Variants in TMC2 observed in about 807,000 individuals in gnomAD.
The protein encoded by TMC2 is transmembrane channel-like protein 2.
A neutral mutation model predicts 105.9 loss-of-function variants in TMC2; 102 were observed. The observed-to-expected ratio is 0.96, with a 90% CI of 0.82 to 1.14. TMC2 has a LOEUF of 1.14. TMC2 is among the 50% of genes most tolerant of loss of function. The pLI, the probability that TMC2 is intolerant of heterozygous loss-of-function variation, is 0.00. For missense variants in TMC2, 1,093 were observed against 1,134.3 expected, an observed-to-expected ratio of 0.96 and a Z score of 0.52; for synonymous variants, 402 against 422.8, an observed-to-expected ratio of 0.95 and a Z score of 0.60.
chr20:2,567,032 G>C (rs558298910), intron 4 of TMC2, among the ~76,000 whole-genome samples: 2 of 152,342 alleles, frequency 1.3e-5, no homozygotes, highest in Admixed American at 1.3e-4. Flanking sequence ...ACCCACCTTT[G>C]CCAGGCCAAA....
At chr20:2,557,205 A>G (rs1175717940) in intron 2 of TMC2, among the ~76,000 whole-genome samples, 1 of 152,164 alleles carries the variant, frequency 6.6e-6, no homozygotes, top group Non-Finnish European at 1.5e-5. Context: ...TGGCATTCCC[A>G]TTACACATAT....
At chr20:2,626,793 G>A (rs1311088283) in intron 17 of TMC2, among the ~76,000 whole-genome samples, 1 of 152,160 alleles carries the variant, frequency 6.6e-6, no homozygotes, top group African/African-American at 2.4e-5. Context: ...ATTCCCTCCT[G>A]TGACAGTTAC....
intron 7 of TMC2, among the ~76,000 whole-genome samples, chr20:2,591,378 T>A (rs971150736): frequency 1.3e-5 from 2 of 152,270 alleles, no homozygotes; most frequent in East Asian, 1.9e-4. Flanking sequence ...ACAGTCATTA[T>A]CTTTGGGTTT....
chr20:2,611,632 G>A (rs954393581), intron 12 of TMC2, among the ~76,000 whole-genome samples: 3 of 152,140 alleles, frequency 2.0e-5, no homozygotes, highest in African/African-American at 2.4e-5. Flanking sequence ...GCTCGTATCA[G>A]TCTGTTCTGT....
chr20:2,638,111 G>A (rs1008407187), intron 19 of TMC2, among the ~76,000 whole-genome samples: 2 of 152,206 alleles, frequency 1.3e-5, no homozygotes, highest in Non-Finnish European at 2.9e-5. Flanking sequence ...GGAGGCCGAC[G>A]CGGGCGGATC....
chr20:2,585,121 G>A (rs2086223286), intron 7 of TMC2, among the ~76,000 whole-genome samples: 1 of 152,120 alleles, frequency 6.6e-6, no homozygotes, highest in African/African-American at 2.4e-5. Context: ...CAATGTCTTT[G>A]AAATTCTTTC....
In TMC2 at chr20:2,641,450, A is replaced by G. The variant is rs1600147553; in HGVS notation, c.*99A>G. On this transcript the variant is annotated 3_prime_UTR_variant, in exon 20 of 20. Transcript: ENST00000358864. ...GGTTCTCTCCCCTCTTTCCTCTCAC[A>G]TACATGCTCTGTCTCCTCTCTTGGA... is the stretch of plus-strand genomic sequence containing the variant. The G allele has an allele frequency of 1.4e-6, 1 of 702,182 alleles. No homozygotes were observed. The highest frequency in any genetic ancestry group is 2.7e-5 in the East Asian group (1 of 36,866). 43.5% of individuals were successfully genotyped at this position (702,182 alleles called of 1,614,324 possible). A position where few individuals can be genotyped will look rare whatever the true frequency, so the allele number is the denominator to read the frequency against.
intron 3 of TMC2, among the ~76,000 whole-genome samples, chr20:2,561,626 G>A (rs1399826910): frequency 6.6e-6 from 1 of 152,210 alleles, no homozygotes; most frequent in Admixed American, 6.5e-5. Flanking sequence ...CACTGAGCTG[G>A]CATGTGGTTT....
intron 2 of TMC2, among the ~76,000 whole-genome samples, chr20:2,553,006 C>A (rs1052541783): frequency 1.3e-5 from 2 of 152,094 alleles, no homozygotes; most frequent in African/African-American, 2.4e-5. Flanking sequence ...TTTGTCAATT[C>A]TTTGAGATTT....
Position 2,602,274 on chromosome 20 carries a change from G to C in TMC2, c.1386G>C (p.Gln462His), listed in dbSNP as rs757007160. Reference sequence around the variant, plus strand: ...GATCTCAGCAATTCTCCAAAATGCAGAATGTCAGCTGGTATGAAAGGAATG... The same window carrying C: ...GATCTCAGCAATTCTCCAAAATGCACAATGTCAGCTGGTATGAAAGGAATG... Reference protein sequence around the residue: ...VKRSQQFSKMQNVSWYERNEV... With the variant: ...VKRSQQFSKMHNVSWYERNEV... The change falls in exon 11 of 20, where the codon CAG becomes CAC. Residue 462 changes from glutamine (Q) to histidine (H), a missense_variant. Coordinates refer to ENST00000358864, the MANE Select transcript of TMC2 (RefSeq NM_080751.3). 6.2e-7 allele frequency: 1 copy of C among 1,605,908 alleles called. No homozygotes were observed. The highest frequency in any genetic ancestry group is 1.1e-5 in the South Asian group (1 of 89,274).
At position 2,536,719 on chromosome 20, in the gene TMC2, G is replaced by A. The variant is rs2085851709; in HGVS notation, c.34+64G>A. 49 of 1,531,356 alleles carry A rather than the reference G, an allele frequency of 3.2e-5. No homozygotes were observed. In the South Asian group the frequency reaches 5.7e-4, roughly 18 times the overall value. The allele number at this position is 1,531,356 out of a possible 1,614,324, so 94.9% of individuals were successfully genotyped here. On this transcript the variant is annotated intron_variant, in intron 1 of 19. Coordinates refer to ENST00000358864, the MANE Select transcript of TMC2 (RefSeq NM_080751.3). ...GGTTCCTGGGCAGCAGCAGGGGATG[G>A]GGGAAGCACATATGGTGTTCAGAGG...
intron 7 of TMC2, among the ~76,000 whole-genome samples, chr20:2,586,335 A>C (rs1487400149): frequency 6.6e-6 from 1 of 152,242 alleles, no homozygotes; most frequent in African/African-American, 2.4e-5. Context: ...GTGTTCAAAC[A>C]GGAGAAAAAT....
Position 2,562,027 on chromosome 20 carries a change from T to C in TMC2, c.554+17T>C. The C allele has an allele frequency of 6.2e-7, 1 of 1,610,648 alleles. No homozygotes were observed. Among genetic ancestry groups the C allele is most frequent in the Non-Finnish European group, 8.5e-7 (1 of 1,178,366 alleles). ...AGAGCTCAGGTGAGCAGGCTGCGGG[T>C]CAGCCAGGGCCTTCCGATGTCCACA... is the stretch of plus-strand genomic sequence containing the variant. On this transcript the variant is annotated intron_variant, in intron 4 of 19. Transcript: ENST00000358864.
chr20:2,571,408 A>G (rs960420779), intron 4 of TMC2, among the ~76,000 whole-genome samples: 1 of 152,238 alleles, frequency 6.6e-6, no homozygotes, highest in African/African-American at 2.4e-5. Flanking sequence ...AATTCTCATC[A>G]TCACTAATTA....
At chr20:2,622,673 T>A (rs2086533906) in intron 16 of TMC2, among the ~76,000 whole-genome samples, 1 of 150,458 alleles carries the variant, frequency 6.6e-6, no homozygotes, top group Non-Finnish European at 1.5e-5. Flanking sequence ...AGAGAGAGAC[T>A]CTGTCTCAAA....
At position 2,591,496 on chromosome 20, in the gene TMC2, A is replaced by G. The variant is rs143830011; in HGVS notation, c.835-814A>G. Among the ~76,000 whole-genome samples, 907 of 151,928 alleles carry G rather than the reference A, an allele frequency of 6.0e-3. 11 individuals carry two copies. The highest frequency in any genetic ancestry group is 0.021 in the African/African-American group (871 of 41,470). On this transcript the variant is annotated intron_variant, in intron 7 of 19. Transcript: ENST00000358864. ...AAGGTAGTAGGATCACTTGAGCCCA[A>G]GAGTTTGAGACCAGCTGGGCAACAT... is the stretch of plus-strand genomic sequence containing the variant.
intron 17 of TMC2, among the ~76,000 whole-genome samples, chr20:2,634,404 T>A (rs1235415388): frequency 6.6e-6 from 1 of 152,260 alleles, no homozygotes; most frequent in Non-Finnish European, 1.5e-5. Flanking sequence ...TTCTTGAAGA[T>A]CTGCTCTGTG....
chr20:2,591,754 A>AG (rs1175582939), intron 7 of TMC2, among the ~76,000 whole-genome samples: 18 of 152,102 alleles, frequency 1.2e-4, no homozygotes, highest in Admixed American at 2.0e-4. Flanking sequence ...AGAAAAGAAA[A>AG]GAAAAGGAAA....
chr20:2,584,240 C>T (rs371317579), intron 7 of TMC2, among the ~76,000 whole-genome samples: 4 of 151,670 alleles, frequency 2.6e-5, no homozygotes, highest in East Asian at 1.9e-4. Flanking sequence ...GTCAGGAGAT[C>T]GAGACCATCC....
Sources: allele counts gnomAD v4.1 joint callset (sites outside exome capture counted in the v4.1 genomes callset), GRCh38; gene constraint gnomAD v4.1.1; transcripts MANE v1.5; gene names NCBI Gene and HGNC (gene_info 2026-07-23, HGNC 2026-07-21).